The following ANKS1A variants were observed in gnomAD, a reference collection of about 807,000 sequenced individuals.
The protein encoded by ANKS1A is ankyrin repeat and SAM domain-containing protein 1A.
A neutral mutation model predicts 120.3 loss-of-function variants in ANKS1A; 55 were observed. The ratio of observed to expected loss-of-function variants is 0.46; its 90% CI spans 0.37 to 0.57. The LOEUF (loss-of-function observed/expected upper bound fraction) is 0.57. Ranked by LOEUF, ANKS1A falls within the 20% of genes least tolerant of loss-of-function variation. The probability of loss-of-function intolerance (pLI) is 0.00; values close to 1 mark genes in which losing one functional copy is unlikely to be tolerated. For synonymous variants in ANKS1A, 590 were observed against 604.7 expected (o/e 0.98, Z 0.36); for missense variants, 1,123 against 1,480.3 (o/e 0.76, Z 3.96).
intron 10 of ANKS1A, among the ~76,000 whole-genome samples, chr6:35,007,514 C>T (rs1023496385): frequency 6.6e-6 from 1 of 152,172 alleles, no homozygotes. Flanking sequence ...ATTTCTCTTT[C>T]ATGTTTAACT....
rs1311939804 is a variant in ANKS1A at position 34,983,290 on chromosome 6, CTTTTTA to C, written c.911-22_911-17del. ...CAAGGCATTTGTATTTGGTGCAGCA[CTTTTTA>C]TTTTTATTTTTTGATCTTTCCATGT... On this transcript the variant is annotated intron_variant, in intron 6 of 23. Transcript: ENST00000360359. 1.9e-6 allele frequency: 3 copies of C among 1,612,422 alleles called. No individual in the cohort carries two copies. The South Asian group carries it at 3.3e-5, about 18-fold the overall frequency.
chr6:34,922,841 G>A (rs192360455), intron 1 of ANKS1A, among the ~76,000 whole-genome samples: 80 of 152,132 alleles, frequency 5.3e-4, no homozygotes, highest in African/African-American at 1.9e-3. Context: ...CTATAGGCAT[G>A]TACCACCACA....
chr6:34,987,607 C>A (rs1488980781), intron 8 of ANKS1A, among the ~76,000 whole-genome samples: 1 of 152,130 alleles, frequency 6.6e-6, no homozygotes, highest in Non-Finnish European at 1.5e-5. Context: ...AACATACAGG[C>A]TTGTTTTGAA....
chr6:34,893,827 T>C (rs1766937511), intron 1 of ANKS1A, among the ~76,000 whole-genome samples: 1 of 152,184 alleles, frequency 6.6e-6, no homozygotes, highest in South Asian at 2.1e-4. Flanking sequence ...GCCCCAAGCA[T>C]CAGTTTACTG....
chr6:35,086,219 C>A lies in ANKS1A; in HGVS notation c.3303+283C>A. On this transcript the variant is annotated intron_variant, in intron 22 of 23. Coordinates refer to ENST00000360359, the MANE Select transcript of ANKS1A (RefSeq NM_015245.3). This position sits in a 1 kb window ranked among gnomAD's most constrained non-coding sequence, Gnocchi z 5.1. ...GCAGAGAGCGGCCTGCAGGCAGCCC[C>A]CAGTAACTGCGCCATCCCTGTGTCT... 7.4e-7 allele frequency: 1 copy of A among 1,360,412 alleles called. No individual in the cohort carries two copies. The highest frequency in any genetic ancestry group is 9.8e-7 in the Non-Finnish European group (1 of 1,022,904). The allele number at this position is 1,360,412 out of a possible 1,614,324, so 84.3% of individuals were successfully genotyped here. A position where few individuals can be genotyped will look rare whatever the true frequency, so the allele number is the denominator to read the frequency against.
intron 1 of ANKS1A, among the ~76,000 whole-genome samples, chr6:34,913,680 A>G (rs1768011164): frequency 6.6e-6 from 1 of 152,154 alleles, no homozygotes; most frequent in Non-Finnish European, 1.5e-5. Context: ...TCTGTTGCCC[A>G]GGCTGGAGTA....
intron 1 of ANKS1A, among the ~76,000 whole-genome samples, chr6:34,950,782 G>A (rs189131584): frequency 2.0e-5 from 3 of 152,134 alleles, no homozygotes; most frequent in Non-Finnish European, 4.4e-5. Context: ...TAGCAAGGAT[G>A]GGGGTGGGTG....
intron 1 of ANKS1A, among the ~76,000 whole-genome samples, chr6:34,947,584 A>G (rs1303545486): frequency 6.6e-6 from 1 of 152,196 alleles, no homozygotes; most frequent in Non-Finnish European, 1.5e-5. Context: ...TCTGTGATAT[A>G]TGAAGCTGTA....
intron 1 of ANKS1A, among the ~76,000 whole-genome samples, chr6:34,915,129 T>C (rs1045986950): frequency 2.0e-5 from 3 of 152,346 alleles, no homozygotes; most frequent in East Asian, 1.9e-4. Flanking sequence ...TCATCACTTA[T>C]ATTCATTTCC....
Position 35,050,168 on chromosome 6 carries a change from G to A in ANKS1A, c.2011-3931G>A, listed in dbSNP as rs1483322761. 1.3e-5 allele frequency among the ~76,000 whole-genome samples: 2 copies of A among 152,120 alleles called. No homozygotes were observed. Among genetic ancestry groups the A allele is most frequent in the African/African-American group, 4.8e-5 (2 of 41,418 alleles). Reference sequence around the variant, plus strand: ...TTTTGTTCTTGTTTTCAGCCATATGGGGAATACATTTTACACAGCCCTGGC... The same window carrying A: ...TTTTGTTCTTGTTTTCAGCCATATGAGGAATACATTTTACACAGCCCTGGC... On this transcript the variant is annotated intron_variant, in intron 11 of 23. Transcript: ENST00000360359. The surrounding 1 kb of genome is among the most constrained non-coding windows in gnomAD (Gnocchi z 4.3).
chr6:35,017,923 A>G lies in ANKS1A; in HGVS notation c.1874A>G (p.Lys625Arg), dbSNP rs1774128676. 6.2e-7 allele frequency: 1 copy of G among 1,614,222 alleles called. No homozygotes were observed. Among genetic ancestry groups the G allele is most frequent in the Non-Finnish European group, 8.5e-7 (1 of 1,180,036 alleles). Residue 625 changes from lysine (K) to arginine (R), a missense_variant, in exon 11 of 24, where the codon AAG becomes AGG. Physicochemically the swap from Lys to Arg is conservative, Grantham distance 26. Coordinates refer to ENST00000360359, the MANE Select transcript of ANKS1A (RefSeq NM_015245.3). The part of the protein sequence containing the change: ...AELKLSRSLS[K>R]SDSDLLTCSP... ...CTCAAACTCAGCCGCAGCTTGTCCA[A>G]GTCTGACTCTGATCTCCTGACCTGC...
intron 13 of ANKS1A, among the ~76,000 whole-genome samples, chr6:35,066,793 G>A (rs1776798191): frequency 6.6e-6 from 1 of 152,160 alleles, no homozygotes; most frequent in Admixed American, 6.5e-5. Context: ...GAGAGCTGTG[G>A]GTGGGTCAGG....
intron 11 of ANKS1A, among the ~76,000 whole-genome samples, chr6:35,029,332 A>G (rs1367530778): frequency 6.9e-6 from 1 of 144,164 alleles, no homozygotes; most frequent in South Asian, 2.2e-4. Flanking sequence ...GAATCTATCA[A>G]TCTTGAATGA....
chr6:35,012,984 G>A (rs571278753), intron 10 of ANKS1A, among the ~76,000 whole-genome samples: 15 of 152,252 alleles, frequency 9.9e-5, no homozygotes, highest in Non-Finnish European at 2.1e-4. Flanking sequence ...GTCCCTGGGC[G>A]TGAGGTTTGT....
At chr6:34,902,695 C>T (rs1193445038) in intron 1 of ANKS1A, among the ~76,000 whole-genome samples, 7 of 141,154 alleles carry the variant, frequency 5.0e-5, no homozygotes, top group African/African-American at 1.6e-4. Context: ...CCCAGCTACT[C>T]GGGAGGCTGA....
chr6:34,991,711 CACATATATAT>C (rs1389813699), intron 9 of ANKS1A, among the ~76,000 whole-genome samples: 3 of 125,296 alleles, frequency 2.4e-5, no homozygotes, highest in Non-Finnish European at 3.3e-5. Context: ...TACATATATA[CACATATATAT>C]ACATATATAC....
At chr6:34,975,458 A>AC (rs1384282764) in intron 3 of ANKS1A, among the ~76,000 whole-genome samples, 2 of 150,318 alleles carry the variant, frequency 1.3e-5, no homozygotes, top group Non-Finnish European at 3.0e-5. Context: ...AAAAAAAAAA[A>AC]ACAACAAAAA....
chr6:35,019,118 G>GT (rs1365753434), intron 11 of ANKS1A, among the ~76,000 whole-genome samples: 1 of 150,818 alleles, frequency 6.6e-6, no homozygotes, highest in Non-Finnish European at 1.5e-5. Context: ...CAATTTCTCT[G>GT]TGACCTATGG....
chr6:34,906,441 A>C (rs980936120), intron 1 of ANKS1A, among the ~76,000 whole-genome samples: 1 of 152,216 alleles, frequency 6.6e-6, no homozygotes, highest in African/African-American at 2.4e-5. Context: ...CTTAATTACT[A>C]TATGTTGTGC....
Sources: gnomAD v4.1 joint callset for allele counts (sites outside exome capture counted in the v4.1 genomes callset) on GRCh38, gnomAD v4.1.1 for gene constraint, Gnocchi (gnomAD v3.1) non-coding constraint, MANE v1.5 for transcripts, NCBI Gene and HGNC (gene_info 2026-07-23, HGNC 2026-07-21) for gene names.